The following RILPL2 variants were observed in gnomAD, a reference collection of about 807,000 sequenced individuals.
RILPL2 encodes the protein RILP-like protein 2.
In RILPL2, 19 loss-of-function variants were observed where a neutral mutation model predicts 22.2. That is an observed-to-expected ratio of 0.86 (90% confidence interval 0.60 to 1.25). The LOEUF (loss-of-function observed/expected upper bound fraction) is 1.25. Among genes scored for constraint, RILPL2 ranks in the 50% most tolerant of loss-of-function variants. The probability of loss-of-function intolerance (pLI) is 0.00; values close to 1 mark genes in which losing one functional copy is unlikely to be tolerated. For missense variants in RILPL2, 243 were observed against 263.6 expected, an observed-to-expected ratio of 0.92 and a Z score of 0.54; for synonymous variants, 123 against 111.6, an observed-to-expected ratio of 1.10 and a Z score of -0.64.
Position 123,436,253 on chromosome 12 carries a change from G to T in RILPL2, c.168C>A (p.Gly56=), listed in dbSNP as rs1483848785. 2 of 1,611,512 alleles carry T rather than the reference G, an allele frequency of 1.2e-6. No homozygotes were observed. The highest frequency in any genetic ancestry group is 1.7e-5 in the Admixed American group (1 of 59,654). Residue 56 remains glycine (G), a synonymous_variant, in exon 1 of 4, where the codon GGC becomes GGA. Coordinates refer to ENST00000280571, the MANE Select transcript of RILPL2 (RefSeq NM_145058.3). The surrounding 1 kb of genome is among the most constrained non-coding windows in gnomAD (Gnocchi z 6.7). ...GCAGCTGCGTCACCCGGGGGTCGCT[G>T]CCCAGGGCCATAAGCTCGCGGCCCA... The part of the protein sequence containing the change: ...YLLGRELMAL[G]SDPRVTQLQF...
At chr12:123,423,455 A>C (rs1300893088) in intron 2 of RILPL2, among the ~76,000 whole-genome samples, 4 of 150,318 alleles carry the variant, frequency 2.7e-5, no homozygotes, top group East Asian at 2.0e-4. Context: ...TCTGCCTCAG[A>C]CTCCCAAAGT....
chr12:123,411,025 C>T (rs1001884758), downstream of RILPL2: 3 of 151,738 alleles, frequency 2.0e-5, no homozygotes, highest in Admixed American at 6.6e-5. Flanking sequence ...CTGTGCCTGA[C>T]TTATTTTTAT....
rs767349265 is a variant in RILPL2 at position 123,436,147 on chromosome 12, C to T, written c.274G>A (p.Glu92Lys). 2.5e-6 allele frequency: 4 copies of T among 1,603,348 alleles called. No homozygotes were observed. The highest frequency in any genetic ancestry group is 1.1e-5 in the South Asian group (1 of 89,186). Residue 92 changes from glutamate (E) to lysine (K), a missense_variant, in exon 1 of 4, where the codon GAG becomes AAG. Transcript: ENST00000280571. This position sits in a 1 kb window ranked among gnomAD's most constrained non-coding sequence, Gnocchi z 6.7. The stretch of plus-strand genomic sequence containing the variant: ...ACCTCCTTCCTGAGGTGGTCCCTCT[C>T]CATCTTCAGCTCCTCCAGCGCCAGG... ...GSLALEELKM[E>K]RDHLRKEVEG...
At chr12:123,411,688 G>C (rs1878980667), downstream of RILPL2, 1 of 148,608 alleles carries the variant, frequency 6.7e-6, no homozygotes, top group Middle Eastern at 3.6e-3. Context: ...CTCCTGAATA[G>C]CTAATTTTTG....
intron 3 of RILPL2, 90 bp from the exon 4 acceptor site, chr12:123,416,011 C>CTACTT: frequency 7.9e-7 from 1 of 1,264,108 alleles, no homozygotes; most frequent in Non-Finnish European, 1.2e-6. Flanking sequence ...GTAGCTCTTG[C>CTACTT]AGCTGTTGAC....
At chr12:123,419,048 T>C (rs1401387865) in intron 3 of RILPL2, among the ~76,000 whole-genome samples, 1 of 139,512 alleles carries the variant, frequency 7.2e-6, no homozygotes, top group Admixed American at 7.4e-5. Context: ...TCTCGCTCTG[T>C]CACTCAGGCT....
chr12:123,428,431 C>T (rs992516849), intron 2 of RILPL2, among the ~76,000 whole-genome samples: 3 of 152,284 alleles, frequency 2.0e-5, no homozygotes, highest in East Asian at 3.9e-4. Flanking sequence ...CCACCGCGCC[C>T]GGCCCTGAAT....
chr12:123,430,384 G>T (rs138538110), intron 2 of RILPL2, 124 bp downstream of exon 2: 20,691 of 928,858 alleles, frequency 0.022, 323 homozygotes, highest in Middle Eastern at 0.034. Flanking sequence ...ACTCCAGCCT[G>T]GGCGACAGAG....
chr12:123,411,635 G>GCAAC (rs547314546), downstream of RILPL2: 19 of 131,344 alleles, frequency 1.4e-4, no homozygotes, highest in South Asian at 3.7e-3. Flanking sequence ...TCAGCTCACT[G>GCAAC]CAACCTCTGC....
intron 3 of RILPL2, among the ~76,000 whole-genome samples, chr12:123,419,013 G>A (rs1247617868): frequency 3.5e-4 from 51 of 144,822 alleles, no homozygotes; most frequent in African/African-American, 1.2e-3. Context: ...CACTGCGCCC[G>A]GCTTTTTTTT....
At chr12:123,419,269 C>T (rs941649089) in intron 3 of RILPL2, among the ~76,000 whole-genome samples, 1 of 151,864 alleles carries the variant, frequency 6.6e-6, no homozygotes, top group African/African-American at 2.4e-5. Context: ...GTGATCTGCC[C>T]GCCTCGGCCT....
At chr12:123,419,318 C>T (rs1000550861) in intron 3 of RILPL2, among the ~76,000 whole-genome samples, 5 of 152,088 alleles carry the variant, frequency 3.3e-5, no homozygotes, top group Admixed American at 1.3e-4. Context: ...CTACTGCGCC[C>T]GGCCTACTGA....
intron 1 of RILPL2, 91 bp from the exon 2 acceptor site, chr12:123,430,750 C>T (rs1879622084): frequency 3.0e-6 from 3 of 996,672 alleles, no homozygotes; most frequent in Non-Finnish European, 3.7e-6. Context: ...CTCTGTTGCC[C>T]AGGCTGGAGT....
At chr12:123,426,582 A>T (rs1879446874) in intron 2 of RILPL2, among the ~76,000 whole-genome samples, 1 of 152,064 alleles carries the variant, frequency 6.6e-6, no homozygotes, top group African/African-American at 2.4e-5. Context: ...CATGATCTCC[A>T]ATGATGACTC....
intron 1 of RILPL2, among the ~76,000 whole-genome samples, 184 bp from the exon 2 acceptor site, chr12:123,430,843 C>T (rs1475110177): frequency 5.3e-5 from 8 of 152,154 alleles, no homozygotes; most frequent in Non-Finnish European, 1.0e-4. Flanking sequence ...GGATTACAGG[C>T]GCCCGCCATC....
chr12:123,423,233 T>C (rs1228852917), intron 2 of RILPL2, 76 bp from the exon 3 acceptor site: 22 of 999,244 alleles, frequency 2.2e-5, no homozygotes, highest in Non-Finnish European at 3.1e-5. Flanking sequence ...TTGGAGTCTT[T>C]CTCTGTTGCC....
In RILPL2 at chr12:123,415,771, G is replaced by T; in HGVS notation, c.*120C>A. On this transcript the variant is annotated 3_prime_UTR_variant, in exon 4 of 4. Transcript: ENST00000280571. ...GTCTCCTCCCTCCTCAGTCTGCTTT[G>T]AAGGGGAAATAAATACACAGGCCTA... 2.0e-6 allele frequency: 2 copies of T among 992,636 alleles called. No homozygotes were observed. The highest frequency in any genetic ancestry group is 3.2e-6 in the Non-Finnish European group (2 of 617,250). The allele number at this position is 992,636 out of a possible 1,614,324, so 61.5% of individuals were successfully genotyped here. A position where few individuals can be genotyped will look rare whatever the true frequency, so the allele number is the denominator to read the frequency against.
chr12:123,421,011 C>T (rs1364426578), intron 3 of RILPL2, among the ~76,000 whole-genome samples: 1 of 151,700 alleles, frequency 6.6e-6, no homozygotes, highest in Non-Finnish European at 1.5e-5. Context: ...TGGCACATAG[C>T]AAATGCTCAC....
At chr12:123,421,671 C>CTT (rs561071129) in intron 3 of RILPL2, among the ~76,000 whole-genome samples, 119 of 135,772 alleles carry the variant, frequency 8.8e-4, no homozygotes, top group African/African-American at 2.2e-3. Flanking sequence ...TGGGTTATTC[C>CTT]TTTTTTTTTT....
Sources: gnomAD v4.1 joint callset for allele counts (sites outside exome capture counted in the v4.1 genomes callset) on GRCh38, gnomAD v4.1.1 for gene constraint, Gnocchi (gnomAD v3.1) non-coding constraint, MANE v1.5 for transcripts, NCBI Gene and HGNC (gene_info 2026-07-23, HGNC 2026-07-21) for gene names.